PID1: variants seen among roughly 807,000 people sequenced by gnomAD.
PID1 encodes PTB-containing, cubilin and LRP1-interacting protein.
PID1 carries 10 observed loss-of-function variants against 19.1 expected under a neutral mutation model. That is an observed-to-expected ratio of 0.52 (90% confidence interval 0.32 to 0.89). The LOEUF is 0.89. Ranked by LOEUF, PID1 falls within the 40% of genes least tolerant of loss-of-function variation. The pLI is 0.03. For missense variants in PID1, 248 were observed against 285.3 expected, an observed-to-expected ratio of 0.87 and a Z score of 0.94; for synonymous variants, 130 against 116.0, an observed-to-expected ratio of 1.12 and a Z score of -0.78.
intron 2 of PID1, among the ~76,000 whole-genome samples, chr2:229,068,874 A>T (rs1203264222): frequency 6.6e-6 from 1 of 152,132 alleles, no homozygotes; most frequent in Non-Finnish European, 1.5e-5. Context: ...TGGCAATCCA[A>T]CCCAGGACCA....
intron 1 of PID1, among the ~76,000 whole-genome samples, chr2:229,178,868 G>C (rs753725840): frequency 6.6e-6 from 1 of 151,946 alleles, no homozygotes; most frequent in African/African-American, 2.4e-5. Flanking sequence ...CCTATGCACC[G>C]GGCACAAGTC....
intron 2 of PID1, among the ~76,000 whole-genome samples, chr2:229,113,701 C>T (rs1448497437): frequency 1.3e-5 from 2 of 151,212 alleles, no homozygotes; most frequent in African/African-American, 4.9e-5. Context: ...TAATAATGGG[C>T]TGAGATTCAA....
At chr2:229,133,224 T>C (rs1385938547) in intron 2 of PID1, among the ~76,000 whole-genome samples, 1 of 152,244 alleles carries the variant, frequency 6.6e-6, no homozygotes, top group Non-Finnish European at 1.5e-5. Flanking sequence ...AATAACTAAA[T>C]ATTGTTTAAA....
chr2:229,139,023 GAA>G lies in PID1; in HGVS notation c.177+16793_177+16794del, dbSNP rs71043092. On this transcript the variant is annotated intron_variant, in intron 2 of 2. Transcript: ENST00000392055. The stretch of plus-strand genomic sequence containing the variant: ...AGAAAGAAAGAAAGAAAGAAAGAAA[GAA>G]AGAAAGAAAGAAAGAGAAAGAAAGA... Among the ~76,000 whole-genome samples the G allele has an allele frequency of 7.2e-4, 59 of 81,942 alleles. 4 individuals carry two copies. Among genetic ancestry groups the G allele is most frequent in the African/African-American group, 2.3e-3 (52 of 22,246 alleles). 53.8% of individuals were successfully genotyped at this position (81,942 alleles called of 152,430 possible). A position where few individuals can be genotyped will look rare whatever the true frequency, so the allele number is the denominator to read the frequency against.
rs1313564516 is a variant in PID1 at position 229,210,542 on chromosome 2, AAAAAAAAAAAAAC to A, written c.31-54591_31-54579del. On this transcript the variant is annotated intron_variant, in intron 1 of 2. Transcript: ENST00000392055. Reference sequence around the variant, plus strand: ...TTTTGTCTCAAAAAAAAAAAAAAAAAAAAAAAAAAAAACAACCTAGAAGGAAAAAGTCAGAAGA... The same window carrying A: ...TTTTGTCTCAAAAAAAAAAAAAAAAAAACCTAGAAGGAAAAAGTCAGAAGA... Among the ~76,000 whole-genome samples, 20 of 147,916 alleles carry A rather than the reference AAAAAAAAAAAAAC, an allele frequency of 1.4e-4. 1 individual carries two copies. The highest frequency in any genetic ancestry group is 4.7e-4 in the African/African-American group (19 of 40,406).
At chr2:229,103,931 G>A (rs1458424979) in intron 2 of PID1, among the ~76,000 whole-genome samples, 5 of 152,236 alleles carry the variant, frequency 3.3e-5, no homozygotes, top group South Asian at 2.1e-4. Context: ...TCTGCCAGCC[G>A]TCTCTCCACT....
intron 2 of PID1, among the ~76,000 whole-genome samples, chr2:229,140,008 C>T (rs1380754892): frequency 6.6e-6 from 1 of 152,046 alleles, no homozygotes; most frequent in Non-Finnish European, 1.5e-5. Flanking sequence ...AGCAGATATT[C>T]ATGAATGAGC....
chr2:229,052,546 A>G (rs891134233), intron 2 of PID1, among the ~76,000 whole-genome samples: 11 of 107,656 alleles, frequency 1.0e-4, no homozygotes, highest in Non-Finnish European at 1.8e-4. Context: ...TGGCTTAGAG[A>G]GCTTTTTTTT....
chr2:229,146,845 C>T lies in PID1; in HGVS notation c.177+8973G>A, dbSNP rs139156440. ...CAATGTGACCACCATGCAGAGATTG[C>T]AGTGATGTACCCACAAGCCAAGGAA... On this transcript the variant is annotated intron_variant, in intron 2 of 2. Transcript: ENST00000392055. Among the ~76,000 whole-genome samples, 788 of 152,148 alleles carry T rather than the reference C, an allele frequency of 5.2e-3. 7 individuals are homozygous for T. The highest frequency in any genetic ancestry group is 0.018 in the African/African-American group (754 of 41,506).
chr2:229,048,416 A>G, intron 2 of PID1, among the ~76,000 whole-genome samples: 1 of 152,290 alleles, frequency 6.6e-6, no homozygotes, highest in African/African-American at 2.4e-5. Context: ...TCGATTGCAA[A>G]GGGGACTTGA....
chr2:229,108,229 TA>T (rs1414688890), intron 2 of PID1, among the ~76,000 whole-genome samples: 2 of 152,282 alleles, frequency 1.3e-5, no homozygotes, highest in South Asian at 4.1e-4. Flanking sequence ...CAATCCTTTT[TA>T]AAAATTATCT....
intron 1 of PID1, among the ~76,000 whole-genome samples, chr2:229,251,353 T>C (rs1690145223): frequency 6.6e-6 from 1 of 152,154 alleles, no homozygotes; most frequent in African/African-American, 2.4e-5. Context: ...TCCATGGCCC[T>C]CTTGAGTTCC....
At chr2:229,243,398 T>A (rs1167840430) in intron 1 of PID1, among the ~76,000 whole-genome samples, 1 of 152,102 alleles carries the variant, frequency 6.6e-6, no homozygotes, top group African/African-American at 2.4e-5. Context: ...TGTGAAGGGT[T>A]CCTTTCTAGG....
intron 2 of PID1, among the ~76,000 whole-genome samples, chr2:229,121,280 C>T (rs1376436367): frequency 6.6e-6 from 1 of 152,070 alleles, no homozygotes; most frequent in African/African-American, 2.4e-5. Context: ...ATTTTTGAAC[C>T]TCAAAGAAGC....
At chr2:229,035,506 A>ATG (rs3083806) in intron 2 of PID1, among the ~76,000 whole-genome samples, 4,640 of 148,218 alleles carry the variant, frequency 0.031, 98 homozygotes, top group Non-Finnish European at 0.039. Flanking sequence ...AATCATTTAT[A>ATG]TGTGTGTGTG....
intron 1 of PID1, among the ~76,000 whole-genome samples, chr2:229,220,368 T>C (rs1285739736): frequency 6.6e-6 from 1 of 152,088 alleles, no homozygotes; most frequent in African/African-American, 2.4e-5. Context: ...GCACAAACAT[T>C]GCTTTTAATT....
chr2:229,221,855 C>G (rs1355709248), intron 1 of PID1, among the ~76,000 whole-genome samples: 3 of 152,194 alleles, frequency 2.0e-5, no homozygotes, highest in Non-Finnish European at 4.4e-5. Flanking sequence ...GAGTGGCAGT[C>G]CTGCTTCCCT....
intron 2 of PID1, among the ~76,000 whole-genome samples, chr2:229,067,905 A>C (rs1162055515): frequency 6.6e-6 from 1 of 152,184 alleles, no homozygotes; most frequent in African/African-American, 2.4e-5. Context: ...CAATGGGGGC[A>C]GGGCAAGGTC....
Position 229,202,166 on chromosome 2 carries a change from TA to T in PID1, c.31-46203del, listed in dbSNP as rs367636777. Among the ~76,000 whole-genome samples the T allele has an allele frequency of 3.1e-3, 478 of 152,174 alleles. 1 individual carries two copies. The highest frequency in any genetic ancestry group is 0.011 in the African/African-American group (458 of 41,548). On this transcript the variant is annotated intron_variant, in intron 1 of 2. Transcript: ENST00000392055. ...TAAAGAGAAAAGCACACGTAATCCCTAAAGAAAAACTACCCACTAATTTGAC... is the reference window on the plus strand; with the variant it reads ...TAAAGAGAAAAGCACACGTAATCCCTAAGAAAAACTACCCACTAATTTGAC...
Sources: allele counts gnomAD v4.1 joint callset (sites outside exome capture counted in the v4.1 genomes callset), GRCh38; gene constraint gnomAD v4.1.1; transcripts MANE v1.5; gene names NCBI Gene and HGNC (gene_info 2026-07-23, HGNC 2026-07-21).